Variants in GTPBP4 observed in about 807,000 individuals in gnomAD.
GTPBP4 encodes the protein GTP-binding protein 4.
In GTPBP4, 15 loss-of-function variants were observed where a neutral mutation model predicts 81.7. The observed-to-expected ratio is 0.18, with a 90% CI of 0.12 to 0.28. The LOEUF (loss-of-function observed/expected upper bound fraction) is 0.28. Ranked by LOEUF, GTPBP4 falls within the 10% of genes least tolerant of loss-of-function variation. The pLI is 1.00. For missense variants in GTPBP4, 847 were observed against 793.8 expected, an observed-to-expected ratio of 1.07 and a Z score of -0.81; for synonymous variants, 272 against 274.6, an observed-to-expected ratio of 0.99 and a Z score of 0.09.
rs745839650 is a variant in GTPBP4, at chr10:988,458, C to T, written c.-22C>T. On this transcript the variant is annotated 5_prime_UTR_variant, in exon 1 of 17. Coordinates refer to ENST00000360803, the MANE Select transcript of GTPBP4 (RefSeq NM_012341.3). The stretch of plus-strand genomic sequence containing the variant: ...CGGAAGTTCCGGGAGTGCCAAGTAC[C>T]CGCGTGCATACGGCTGCCGGCATGG... The T allele has an allele frequency of 3.7e-6, 6 of 1,610,416 alleles. No homozygotes were observed. The highest frequency in any genetic ancestry group is 1.1e-5 in the South Asian group (1 of 90,954).
chr10:997,324 A>T lies in GTPBP4; in HGVS notation c.561+16A>T. ...CATCAACAAGGTTGGTCTGGTTTTT[A>T]TCGTAAAGCAAATCATCTGACTATT... On this transcript the variant is annotated intron_variant, in intron 5 of 16. Transcript: ENST00000360803. 7.6e-7 allele frequency: 1 copy of T among 1,323,390 alleles called. No individual in the cohort carries two copies. Among genetic ancestry groups the T allele is most frequent in the Non-Finnish European group, 1.1e-6 (1 of 914,358 alleles). The allele number at this position is 1,323,390 out of a possible 1,614,324, so 82.0% of individuals were successfully genotyped here.
chr10:1,015,427 G>GCGGGGC, intron 15 of GTPBP4, among the ~76,000 whole-genome samples: 1 of 109,208 alleles, frequency 9.2e-6, no homozygotes, highest in Admixed American at 9.1e-5. Flanking sequence ...GAGCCTGGGA[G>GCGGGGC]TGGACCTGGG....
intron 14 of GTPBP4, among the ~76,000 whole-genome samples, chr10:1,013,483 G>A (rs1398079097): frequency 3.8e-5 from 4 of 105,592 alleles, no homozygotes; most frequent in African/African-American, 8.5e-5. Context: ...GGTGGCGGGC[G>A]CCTGTAGTCC....
rs1414831594 is a variant in GTPBP4, at chr10:996,237, A to G, written c.455A>G (p.Glu152Gly). The change falls in exon 4 of 17, where the codon GAG becomes GGG. Residue 152 changes from glutamate to glycine, a missense_variant. By Grantham distance (98) the Glu-to-Gly change is moderately conservative. Around this residue, in one of 3 missense-constraint regions of GTPBP4, gnomAD observed 241 missense variants for 216.3 expected, o/e 1.11. Transcript: ENST00000360803. The stretch of plus-strand genomic sequence containing the variant: ...CAGAAGCAGAGTTTGGAGTATTTGG[A>G]GCAAGGTGCTTGTCACGCATCCGCG... ...KRQKQSLEYL[E>G]QVRQHLSRLP... 6.2e-7 allele frequency: 1 copy of G among 1,611,330 alleles called. No individual in the cohort carries two copies. Among genetic ancestry groups the G allele is most frequent in the Non-Finnish European group, 8.5e-7 (1 of 1,178,822 alleles).
intron 9 of GTPBP4, 123 bp downstream of exon 9, chr10:1,006,030 G>A (rs1432450547): frequency 2.0e-5 from 12 of 611,956 alleles, no homozygotes; most frequent in Admixed American, 6.3e-5. Context: ...TCGCAGTAGC[G>A]AGGCGGGTGG....
intron 8 of GTPBP4, among the ~76,000 whole-genome samples, chr10:1,005,397 G>A (rs1431773491): frequency 6.6e-6 from 1 of 152,050 alleles, no homozygotes; most frequent in African/African-American, 2.4e-5. Context: ...CACCCGCCTC[G>A]GCCTCCCAAA....
intron 1 of GTPBP4, among the ~76,000 whole-genome samples, chr10:992,276 T>C (rs1831458020): frequency 6.6e-6 from 1 of 151,436 alleles, no homozygotes; most frequent in Admixed American, 6.6e-5. Flanking sequence ...GGCACGCGCC[T>C]GTAGTCCCAG....
intron 1 of GTPBP4, among the ~76,000 whole-genome samples, chr10:991,351 A>G (rs985874995): frequency 3.3e-5 from 5 of 152,238 alleles, no homozygotes; most frequent in Admixed American, 6.5e-5. Context: ...GTCAAGTAAT[A>G]TTGTGTGGCT....
chr10:1,008,403 C>CAAA, intron 10 of GTPBP4: 1 of 279,474 alleles, frequency 3.6e-6, no homozygotes, highest in Non-Finnish European at 7.1e-6. Context: ...GAGACTCTGT[C>CAAA]AAAAAAAAAA....
At chr10:997,852 C>T (rs1831561061) in intron 5 of GTPBP4, among the ~76,000 whole-genome samples, 1 of 152,016 alleles carries the variant, frequency 6.6e-6, no homozygotes, top group Admixed American at 6.6e-5. Context: ...AGGGACGGTG[C>T]CGAGTCGCTC....
At position 1,010,417 on chromosome 10, in the gene GTPBP4, T is replaced by C. The variant is rs1015000104; in HGVS notation, c.1244-3T>C. Reference sequence around the variant, plus strand: ...AACGTAACCACCTTTTTTTTAACTTTAGAGTACTGGGATTTAATGAATTTG... The same window carrying C: ...AACGTAACCACCTTTTTTTTAACTTCAGAGTACTGGGATTTAATGAATTTG... On this transcript the variant is annotated splice_polypyrimidine_tract_variant and splice_region_variant and intron_variant, in intron 12 of 16. Transcript: ENST00000360803. 3 of 1,481,218 alleles carry C rather than the reference T, an allele frequency of 2.0e-6. No homozygotes were observed. The highest frequency in any genetic ancestry group is 2.8e-5 in the African/African-American group (2 of 72,416). The allele number at this position is 1,481,218 out of a possible 1,614,324, so 91.8% of individuals were successfully genotyped here.
In GTPBP4 at chr10:997,410, T is replaced by G. The variant is rs1831554029; in HGVS notation, c.561+102T>G. ...TTCAGGATGGCCTTGTAGGTCAGTG[T>G]TAACTGTATTCTGACTGCGTGGGAT... On this transcript the variant is annotated intron_variant, in intron 5 of 16. Transcript: ENST00000360803. 5.1e-6 allele frequency: 4 copies of G among 779,990 alleles called. No individual in the cohort carries two copies. In the South Asian group the frequency reaches 5.6e-5, roughly 11 times the overall value. The allele number at this position is 779,990 out of a possible 1,614,324, so 48.3% of individuals were successfully genotyped here. A position where few individuals can be genotyped will look rare whatever the true frequency, so the allele number is the denominator to read the frequency against.
intron 1 of GTPBP4, among the ~76,000 whole-genome samples, chr10:991,689 CTTTTTTTTTTTTT>C (rs778451253): frequency 2.7e-5 from 2 of 74,820 alleles, no homozygotes; most frequent in African/African-American, 5.5e-5. Context: ...TAAAATTTAT[CTTTTTTTTTTTTT>C]TTTTTTTTTT....
rs373717914 is a variant in GTPBP4, at chr10:1,018,716, G to T, written c.*1489G>T. 6.6e-6 allele frequency: 1 copy of T among 151,190 alleles called. No individual in the cohort carries two copies. Among genetic ancestry groups the T allele is most frequent in the Non-Finnish European group, 1.5e-5 (1 of 67,950 alleles). 9.4% of individuals were successfully genotyped at this position (151,190 alleles called of 1,614,324 possible). On this transcript the variant is annotated 3_prime_UTR_variant, in exon 17 of 17. Transcript: ENST00000360803. ...CCAACTACTTGGGAGGCTGAGGCAG[G>T]AGAATGGCTTGAACCCGGGAGGCGG... is the stretch of plus-strand genomic sequence containing the variant.
intron 1 of GTPBP4, among the ~76,000 whole-genome samples, chr10:990,869 G>A (rs1156895610): frequency 6.6e-6 from 1 of 151,336 alleles, no homozygotes; most frequent in Non-Finnish European, 1.5e-5. Flanking sequence ...GAGTCAGGGG[G>A]AACCTTATGA....
chr10:992,370 A>G lies in GTPBP4; in HGVS notation c.49-119A>G. 8.1e-6 allele frequency: 5 copies of G among 620,492 alleles called. No homozygotes were observed. In the South Asian group the frequency reaches 8.9e-5, roughly 11 times the overall value. The allele number at this position is 620,492 out of a possible 1,614,324, so 38.4% of individuals were successfully genotyped here. A position where few individuals can be genotyped will look rare whatever the true frequency, so the allele number is the denominator to read the frequency against. On this transcript the variant is annotated intron_variant, in intron 1 of 16. Transcript: ENST00000360803. ...AGCCGAGATCGTGCCACTGCACTCC[A>G]GCCTGGGCGACAGAGCGAGACTCTG...
At chr10:1,007,228 C>T (rs1031179169) in intron 10 of GTPBP4, 100 bp downstream of exon 10, 3 of 684,104 alleles carry the variant, frequency 4.4e-6, no homozygotes, top group Admixed American at 2.3e-5. Context: ...CACACACTCG[C>T]AGGTGGATAT....
At chr10:997,706 G>C (rs1831559067) in intron 5 of GTPBP4, among the ~76,000 whole-genome samples, 1 of 152,244 alleles carries the variant, frequency 6.6e-6, no homozygotes, top group South Asian at 2.1e-4. Flanking sequence ...CTGTCCTGGA[G>C]TGGCTATGCC....
At chr10:1,015,593 C>T (rs879217662) in intron 15 of GTPBP4, among the ~76,000 whole-genome samples, 160 bp from the exon 16 acceptor site, 1 of 105,162 alleles carries the variant, frequency 9.5e-6, no homozygotes, top group Non-Finnish European at 2.0e-5. Flanking sequence ...AGCCTGGGAG[C>T]GGGGCTGGGG....
Sources: allele counts gnomAD v4.1 joint callset (sites outside exome capture counted in the v4.1 genomes callset), GRCh38; gene constraint gnomAD v4.1.1; regional missense constraint gnomAD v4.1.1; transcripts MANE v1.5; gene names NCBI Gene and HGNC (gene_info 2026-07-23, HGNC 2026-07-21).